Variants in SFXN5 observed in about 807,000 individuals in gnomAD.
SFXN5 encodes sideroflexin-5.
SFXN5 carries 43 observed loss-of-function variants against 50.2 expected under a neutral mutation model. The observed-to-expected ratio is 0.86, with a 90% CI of 0.67 to 1.11. The LOEUF (loss-of-function observed/expected upper bound fraction) is 1.11, where lower values mean the gene tolerates loss of function less well. SFXN5 is among the 50% of genes least tolerant of loss of function. The probability of loss-of-function intolerance (pLI) is 0.00; values close to 1 mark genes in which losing one functional copy is unlikely to be tolerated. For missense variants in SFXN5, 463 were observed against 454.1 expected (o/e 1.02, Z -0.18); for synonymous variants, 203 against 185.8 (o/e 1.09, Z -0.75).
At chr2:73,034,654 A>G (rs948433275) in intron 3 of SFXN5, among the ~76,000 whole-genome samples, 2 of 152,122 alleles carry the variant, frequency 1.3e-5, no homozygotes, top group African/African-American at 4.8e-5. Flanking sequence ...CCAGCCACTC[A>G]GGAGCTACAG....
chr2:72,978,071 A>G (rs902158021), intron 10 of SFXN5, among the ~76,000 whole-genome samples: 1 of 150,446 alleles, frequency 6.6e-6, no homozygotes, highest in Non-Finnish European at 1.5e-5. Context: ...AAAGGTTTTA[A>G]TTTTTTACTT....
intron 1 of SFXN5, among the ~76,000 whole-genome samples, chr2:73,066,761 G>A (rs755629777): frequency 6.6e-6 from 1 of 152,000 alleles, no homozygotes; most frequent in Non-Finnish European, 1.5e-5. Context: ...AGCACTTTGG[G>A]AGGGCCAGGC....
chr2:72,953,972 A>T lies in SFXN5; in HGVS notation c.945+7159T>A, dbSNP rs1672807467. Among the ~76,000 whole-genome samples, 1 of 152,126 alleles carries T rather than the reference A, an allele frequency of 6.6e-6. No individual in the cohort carries two copies. Among genetic ancestry groups the T allele is most frequent in the South Asian group, 2.1e-4 (1 of 4,826 alleles). ...AGGGTACCCACATTTTTGCCCATAC[A>T]GGGAGGGTATGCCTCTCTGTTTCTT... On this transcript the variant is annotated intron_variant, in intron 13 of 13. Transcript: ENST00000272433. This position sits in a 1 kb window ranked among gnomAD's most constrained non-coding sequence, Gnocchi z 4.1.
At chr2:72,964,818 C>T (rs935650987) in intron 12 of SFXN5, among the ~76,000 whole-genome samples, 1 of 152,228 alleles carries the variant, frequency 6.6e-6, no homozygotes, top group Non-Finnish European at 1.5e-5. Context: ...ATCAGAGGGG[C>T]TCCTTTGGAG....
At chr2:73,066,994 A>G (rs576571117) in intron 1 of SFXN5, among the ~76,000 whole-genome samples, 12 of 152,320 alleles carry the variant, frequency 7.9e-5, no homozygotes, top group African/African-American at 2.9e-4. Flanking sequence ...GCAGTGAGCC[A>G]TTAATTACTG....
chr2:73,031,863 T>C (rs1303548868), intron 3 of SFXN5, among the ~76,000 whole-genome samples: 1 of 152,196 alleles, frequency 6.6e-6, no homozygotes, highest in Non-Finnish European at 1.5e-5. Context: ...TGGACTTGTA[T>C]TATTTTTAAA....
At chr2:72,980,697 C>A (rs1248440808) in intron 10 of SFXN5, among the ~76,000 whole-genome samples, 1 of 152,146 alleles carries the variant, frequency 6.6e-6, no homozygotes, top group Admixed American at 6.5e-5. Flanking sequence ...TTTTAAAAAG[C>A]CCCTTTTTAT....
intron 13 of SFXN5, among the ~76,000 whole-genome samples, chr2:72,955,295 G>A (rs1403155481): frequency 6.6e-6 from 1 of 152,212 alleles, no homozygotes; most frequent in South Asian, 2.1e-4. Flanking sequence ...CCGCCCGCCC[G>A]TTCACGCAGT....
chr2:73,017,846 T>G (rs1295422288), intron 6 of SFXN5, among the ~76,000 whole-genome samples: 1 of 152,104 alleles, frequency 6.6e-6, no homozygotes, highest in Non-Finnish European at 1.5e-5. Context: ...AAGATCTTGG[T>G]TTCTAAGTAT....
At chr2:73,061,031 C>T (rs1051998989) in intron 1 of SFXN5, among the ~76,000 whole-genome samples, 1 of 148,000 alleles carries the variant, frequency 6.8e-6, no homozygotes, top group Non-Finnish European at 1.5e-5. Flanking sequence ...AAGATATATG[C>T]TGGACCGGGC....
intron 3 of SFXN5, among the ~76,000 whole-genome samples, chr2:73,038,620 C>T (rs963392942): frequency 1.3e-5 from 2 of 152,132 alleles, no homozygotes; most frequent in Admixed American, 6.5e-5. Flanking sequence ...CAGAGCAAGA[C>T]CTTGCCTCTT....
intron 9 of SFXN5, among the ~76,000 whole-genome samples, chr2:72,988,671 T>C (rs1193526551): frequency 1.3e-5 from 2 of 151,950 alleles, no homozygotes; most frequent in Admixed American, 6.6e-5. Flanking sequence ...AGAAAAGGGA[T>C]AGGATGCTGT....
At chr2:72,999,986 C>G (rs547162906) in intron 8 of SFXN5, among the ~76,000 whole-genome samples, 4 of 152,126 alleles carry the variant, frequency 2.6e-5, no homozygotes, top group Non-Finnish European at 5.9e-5. Context: ...CACTCAGGAG[C>G]AGCCCTTCAG....
intron 7 of SFXN5, among the ~76,000 whole-genome samples, chr2:73,001,318 A>T (rs1350755444): frequency 6.6e-6 from 1 of 152,214 alleles, no homozygotes; most frequent in African/African-American, 2.4e-5. Context: ...CACATGGTGG[A>T]TTGAGACATG....
intron 10 of SFXN5, among the ~76,000 whole-genome samples, chr2:72,974,300 C>G (rs1184715804): frequency 6.6e-6 from 1 of 151,988 alleles, no homozygotes; most frequent in East Asian, 1.9e-4. Context: ...AGCCCTGACT[C>G]ACGGTGGCAT....
intron 9 of SFXN5, among the ~76,000 whole-genome samples, chr2:72,993,970 A>G (rs1435180885): frequency 6.6e-6 from 1 of 152,090 alleles, no homozygotes; most frequent in African/African-American, 2.4e-5. Context: ...CCTCTCAAAA[A>G]ATGTCTCCCA....
At chr2:73,004,382 A>G (rs1169414797) in intron 6 of SFXN5, among the ~76,000 whole-genome samples, 1 of 152,014 alleles carries the variant, frequency 6.6e-6, no homozygotes, top group Non-Finnish European at 1.5e-5. Flanking sequence ...CAAAAACCAG[A>G]CAAGAAAATG....
At chr2:72,974,121 T>C (rs992753066) in intron 10 of SFXN5, among the ~76,000 whole-genome samples, 3 of 152,214 alleles carry the variant, frequency 2.0e-5, no homozygotes, top group Admixed American at 2.0e-4. Context: ...TCCATGGGAT[T>C]TCTGGGTGCT....
intron 6 of SFXN5, among the ~76,000 whole-genome samples, chr2:73,012,313 C>T (rs1373734710): frequency 6.6e-6 from 1 of 151,788 alleles, no homozygotes; most frequent in African/African-American, 2.4e-5. Flanking sequence ...TCATGTATTA[C>T]TTGTATAACT....
Sources: gnomAD v4.1 joint callset for allele counts (sites outside exome capture counted in the v4.1 genomes callset) on GRCh38, gnomAD v4.1.1 for gene constraint, Gnocchi (gnomAD v3.1) non-coding constraint, MANE v1.5 for transcripts, NCBI Gene and HGNC (gene_info 2026-07-23, HGNC 2026-07-21) for gene names.